The following LAMA2 variants were observed in gnomAD, a reference collection of about 807,000 sequenced individuals.
LAMA2 encodes laminin subunit alpha 2, also known as laminin subunit alpha-2.
Under a neutral mutation model 364.8 loss-of-function variants are expected in LAMA2, and 269 were observed. The ratio of observed to expected loss-of-function variants is 0.74; its 90% CI spans 0.67 to 0.82. The LOEUF (loss-of-function observed/expected upper bound fraction) is 0.82. LAMA2 is among the 40% of genes least tolerant of loss of function. LAMA2 has a pLI of 0.00. For synonymous variants in LAMA2, 1,379 were observed against 1,370.6 expected, an observed-to-expected ratio of 1.01 and a Z score of -0.14; for missense variants, 3,807 against 3,873.2, an observed-to-expected ratio of 0.98 and a Z score of 0.45.
At chr6:129,351,093 T>C (rs894217360) in intron 31 of LAMA2, among the ~76,000 whole-genome samples, 4 of 152,152 alleles carry the variant, frequency 2.6e-5, no homozygotes, top group Admixed American at 2.6e-4. Flanking sequence ...GTATTCATGG[T>C]TAGACTAATA....
chr6:129,221,343 T>TA (rs1783834419), intron 12 of LAMA2, among the ~76,000 whole-genome samples: 1 of 145,858 alleles, frequency 6.9e-6, no homozygotes. Flanking sequence ...AAAGCTTTAG[T>TA]ATCAAGCATA....
chr6:129,013,095 T>G (rs537471143), intron 1 of LAMA2, among the ~76,000 whole-genome samples: 1 of 152,344 alleles, frequency 6.6e-6, no homozygotes, highest in South Asian at 2.1e-4. Flanking sequence ...ACAGGTTTTA[T>G]TTGAAGCAGT....
chr6:129,083,951 G>A (rs1430289694), intron 3 of LAMA2, among the ~76,000 whole-genome samples: 1 of 152,148 alleles, frequency 6.6e-6, no homozygotes, highest in Non-Finnish European at 1.5e-5. Context: ...TAGATTTTGA[G>A]AGCCAGTGCA....
At chr6:129,234,762 G>A (rs76214621) in intron 12 of LAMA2, among the ~76,000 whole-genome samples, 3,623 of 152,062 alleles carry the variant, frequency 0.024, 143 homozygotes, top group African/African-American at 0.083. Flanking sequence ...TTACACGTAC[G>A]GTGTTTCAAG....
chr6:129,438,797 G>T, intron 42 of LAMA2, 35 bp downstream of exon 42: 1 of 1,071,674 alleles, frequency 9.3e-7, no homozygotes, highest in South Asian at 1.2e-5. Flanking sequence ...TGTGTCAGTT[G>T]ACCTGAAGTT....
intron 1 of LAMA2, among the ~76,000 whole-genome samples, chr6:128,926,455 ATATT>A (rs887476488): frequency 6.6e-6 from 1 of 152,220 alleles, no homozygotes; most frequent in African/African-American, 2.4e-5. Context: ...TTTGTTCTCA[ATATT>A]TAAAGTGAAC....
At chr6:129,495,086 A>T (rs1181305240) in intron 58 of LAMA2, among the ~76,000 whole-genome samples, 1 of 152,240 alleles carries the variant, frequency 6.6e-6, no homozygotes, top group Admixed American at 6.5e-5. Flanking sequence ...CATGATACTT[A>T]CAGCCTTTGC....
Position 129,098,237 on chromosome 6 carries a change from TG to T in LAMA2, c.463del (p.Glu155AsnfsTer17). 4 of 1,614,138 alleles carry T rather than the reference TG, an allele frequency of 2.5e-6. No individual in the cohort carries two copies. The highest frequency in any genetic ancestry group is 3.4e-6 in the Non-Finnish European group (4 of 1,180,010). On this transcript the variant is annotated frameshift_variant, in exon 4 of 65. Transcript: ENST00000421865. LOFTEE classifies it high-confidence loss of function. Reference sequence around the variant, plus strand: ...TCCCCCCGGCCTGGAAACTGGATTTTGGAACGCTCTCTTGATGATGTTGAAT... The same window carrying T: ...TCCCCCCGGCCTGGAAACTGGATTTTGAACGCTCTCTTGATGATGTTGAAT... ...ANSPRPGNWI[L>X]ERSLDDVEYK...
chr6:129,167,082 A>C (rs1583171653), intron 9 of LAMA2, among the ~76,000 whole-genome samples: 1 of 152,196 alleles, frequency 6.6e-6, no homozygotes, highest in Non-Finnish European at 1.5e-5. Flanking sequence ...GAAATAAAAT[A>C]ATAAGTGTCC....
chr6:129,230,805 A>G (rs1435084499), intron 12 of LAMA2, among the ~76,000 whole-genome samples: 1 of 152,098 alleles, frequency 6.6e-6, no homozygotes, highest in East Asian at 1.9e-4. Flanking sequence ...AAGTGAATAC[A>G]GTAAAACTAG....
At chr6:128,963,718 T>C (rs1416574910) in intron 1 of LAMA2, among the ~76,000 whole-genome samples, 1 of 152,068 alleles carries the variant, frequency 6.6e-6, no homozygotes, top group Non-Finnish European at 1.5e-5. Flanking sequence ...TGTATGCTTT[T>C]CCTATGGCCA....
intron 53 of LAMA2, among the ~76,000 whole-genome samples, chr6:129,478,089 C>T (rs879479723): frequency 5.1e-4 from 78 of 152,160 alleles, no homozygotes; most frequent in Non-Finnish European, 2.4e-4. Flanking sequence ...CCACTACACT[C>T]GGCCAGTAAA....
intron 64 of LAMA2, among the ~76,000 whole-genome samples, chr6:129,514,970 A>G (rs562378551): frequency 1.3e-5 from 2 of 152,230 alleles, no homozygotes; most frequent in Non-Finnish European, 2.9e-5. Flanking sequence ...AATGTTATGG[A>G]ACTTATTTCC....
intron 1 of LAMA2, among the ~76,000 whole-genome samples, chr6:128,913,564 G>A (rs866244354): frequency 6.6e-6 from 1 of 152,108 alleles, no homozygotes; most frequent in African/African-American, 2.4e-5. Flanking sequence ...CATTTTAAAA[G>A]TGTGTACTTG....
At chr6:128,969,017 G>T (rs909673850) in intron 1 of LAMA2, among the ~76,000 whole-genome samples, 1 of 152,092 alleles carries the variant, frequency 6.6e-6, no homozygotes, top group Non-Finnish European at 1.5e-5. Flanking sequence ...GGTAGGTTCG[G>T]TTTCTATAAT....
intron 1 of LAMA2, among the ~76,000 whole-genome samples, chr6:129,007,207 C>A (rs536879219): frequency 6.6e-6 from 1 of 152,180 alleles, no homozygotes; most frequent in East Asian, 1.9e-4. Context: ...TAGATTATAT[C>A]TATTTAAGAT....
At chr6:128,985,310 G>GTTTT (rs1199908341) in intron 1 of LAMA2, among the ~76,000 whole-genome samples, 2 of 152,164 alleles carry the variant, frequency 1.3e-5, no homozygotes, top group Non-Finnish European at 2.9e-5. Context: ...CCACCATGCA[G>GTTTT]TTTAAAACTA....
intron 28 of LAMA2, among the ~76,000 whole-genome samples, chr6:129,326,791 T>A (rs1434906677): frequency 6.9e-6 from 1 of 145,400 alleles, no homozygotes; most frequent in Non-Finnish European, 1.5e-5. Context: ...ATTATATATA[T>A]ATAATTAATA....
chr6:129,356,565 C>T (rs940015455), intron 32 of LAMA2, among the ~76,000 whole-genome samples: 3 of 151,934 alleles, frequency 2.0e-5, no homozygotes, highest in African/African-American at 4.8e-5. Context: ...TCAGTAGATC[C>T]GTGATTTGAG....
Sources: gnomAD v4.1 joint callset for allele counts (sites outside exome capture counted in the v4.1 genomes callset) on GRCh38, gnomAD v4.1.1 for gene constraint, MANE v1.5 for transcripts, NCBI Gene and HGNC (gene_info 2026-07-23, HGNC 2026-07-21) for gene names.